The following MMS19 variants were observed in gnomAD, a reference collection of about 807,000 sequenced individuals.
MMS19 encodes the protein MMS19 cytosolic iron-sulfur assembly component, also known as MMS19 nucleotide excision repair protein homolog.
A neutral mutation model predicts 129.8 loss-of-function variants in MMS19; 77 were observed. That is an observed-to-expected ratio of 0.59 (90% confidence interval 0.49 to 0.72). The LOEUF is 0.72. MMS19 is among the 30% of genes least tolerant of loss of function. The probability of loss-of-function intolerance (pLI) is 0.00; values close to 1 mark genes in which losing one functional copy is unlikely to be tolerated. For synonymous variants in MMS19, 491 were observed against 502.8 expected, an observed-to-expected ratio of 0.98 and a Z score of 0.31; for missense variants, 1,168 against 1,266.3, an observed-to-expected ratio of 0.92 and a Z score of 1.18.
intron 1 of MMS19, among the ~76,000 whole-genome samples, chr10:97,493,736 T>A (rs539995339): frequency 6.6e-6 from 1 of 152,196 alleles, no homozygotes; most frequent in East Asian, 1.9e-4. Context: ...ATAACCAGGG[T>A]TGGCATGGTG....
chr10:97,471,933 CAGA>C (rs2034795985), intron 8 of MMS19, among the ~76,000 whole-genome samples: 1 of 152,076 alleles, frequency 6.6e-6, no homozygotes. Context: ...AGAGGTCCAA[CAGA>C]AGATTAATGA....
rs370447403 is a variant in MMS19, at chr10:97,477,905, C to T, written c.373G>A (p.Gly125Arg). 2.2e-5 allele frequency: 35 copies of T among 1,608,274 alleles called. No individual in the cohort carries two copies. The highest frequency in any genetic ancestry group is 2.9e-5 in the Non-Finnish European group (34 of 1,177,808). Residue 125 changes from glycine to arginine, a missense_variant, in exon 5 of 31, where the codon GGG becomes AGG. Around this residue, in one of 3 missense-constraint regions of MMS19, gnomAD observed 329 missense variants for 328.6 expected, o/e 1.00. Coordinates refer to ENST00000438925, the MANE Select transcript of MMS19 (RefSeq NM_022362.5). Reference protein sequence around the residue: ...ALSLCVALPPGLAVSVLKAIF... With the variant: ...ALSLCVALPPRLAVSVLKAIF... ...GCTTTAAGCACAGAAACAGCCAGCC[C>T]TGGGGGCAGGGCCACACACAGGCTC... is the stretch of plus-strand genomic sequence containing the variant.
chr10:97,484,262 C>T, intron 1 of MMS19, 111 bp from the exon 2 acceptor site: 1 of 664,120 alleles, frequency 1.5e-6, no homozygotes, highest in Non-Finnish European at 2.4e-6. Flanking sequence ...TACCTGGGGG[C>T]CCACTATATT....
intron 8 of MMS19, among the ~76,000 whole-genome samples, chr10:97,472,293 G>A (rs1589657389): frequency 6.6e-6 from 1 of 152,252 alleles, no homozygotes; most frequent in Admixed American, 6.5e-5. Context: ...AAGCTGGAGT[G>A]CAATGGCACG....
intron 18 of MMS19, 102 bp from the exon 19 acceptor site, chr10:97,464,115 G>A (rs1331861983): frequency 9.6e-7 from 1 of 1,042,756 alleles, no homozygotes; most frequent in Non-Finnish European, 1.4e-6. Flanking sequence ...TGACTGAAGG[G>A]ACCAAGAGTG....
rs548429569 is a variant in MMS19, at chr10:97,462,602, T to C, written c.1993A>G (p.Thr665Ala). 6.8e-6 allele frequency: 11 copies of C among 1,613,828 alleles called. No homozygotes were observed. The African/African-American group carries it at 8.0e-5, about 12-fold the overall frequency. The part of the protein sequence containing the change: ...AAMVSVIGTA[T>A]THLSPELAAQ... ...ACTTACTCAGGGCTCAGGTGGGTTGTAGCAGTGCCAATGACAGACACCATG... is the reference window on the plus strand; with the variant it reads ...ACTTACTCAGGGCTCAGGTGGGTTGCAGCAGTGCCAATGACAGACACCATG... Residue 665 changes from threonine (T) to alanine (A), a missense_variant, in exon 20 of 31, where the codon ACA becomes GCA. Around this residue, in one of 3 missense-constraint regions of MMS19, gnomAD observed 831 missense variants for 910.8 expected, o/e 0.91. Transcript: ENST00000438925.
chr10:97,479,110 T>C (rs563537846), intron 3 of MMS19, among the ~76,000 whole-genome samples: 44 of 152,276 alleles, frequency 2.9e-4, no homozygotes, highest in Non-Finnish European at 5.7e-4. Context: ...TCTGCCTCTA[T>C]ACAGGGAAGA....
intron 6 of MMS19, 33 bp from the exon 7 acceptor site, chr10:97,476,996 C>G (rs780254132): frequency 6.2e-7 from 1 of 1,612,378 alleles, no homozygotes; most frequent in South Asian, 1.1e-5. Flanking sequence ...ACTATACTGT[C>G]CCACAGCACA....
chr10:97,482,908 C>T (rs1589737990), intron 2 of MMS19, among the ~76,000 whole-genome samples: 2 of 151,718 alleles, frequency 1.3e-5, no homozygotes, highest in African/African-American at 4.8e-5. Flanking sequence ...CTACAGGCGC[C>T]CGCCACCATG....
In MMS19 at chr10:97,466,836, G is replaced by A. The variant is rs748944765; in HGVS notation, c.1363C>T (p.Pro455Ser). 6.2e-6 allele frequency: 10 copies of A among 1,613,864 alleles called. No homozygotes were observed. The East Asian group carries it at 1.3e-4, about 22-fold the overall frequency. The change falls in exon 15 of 31, where the codon CCC becomes TCC. Residue 455 changes from proline to serine, a missense_variant. Physicochemically the swap from Pro to Ser is moderately conservative, Grantham distance 74. Around this residue, in one of 3 missense-constraint regions of MMS19, gnomAD observed 831 missense variants for 910.8 expected, o/e 0.91. Transcript: ENST00000438925. ...CSLVFMALTDPSTQLQLVGIR... is the reference protein window; with the variant it reads ...CSLVFMALTDSSTQLQLVGIR... ...CCAACAAGCTGAAGCTGGGTGCTGGGGTCTGTTAGAGCCATGAATACCAGT... is the reference window on the plus strand; with the variant it reads ...CCAACAAGCTGAAGCTGGGTGCTGGAGTCTGTTAGAGCCATGAATACCAGT...
intron 8 of MMS19, among the ~76,000 whole-genome samples, chr10:97,475,975 T>C (rs1404166774): frequency 6.6e-6 from 1 of 152,222 alleles, no homozygotes; most frequent in Non-Finnish European, 1.5e-5. Flanking sequence ...ACAGCAAAGA[T>C]GGTGGTGTCA....
Position 97,481,061 on chromosome 10 carries a change from G to C in MMS19, c.162-19C>G, listed in dbSNP as rs774448202. On this transcript the variant is annotated intron_variant, in intron 2 of 30. Transcript: ENST00000438925. Reference sequence around the variant, plus strand: ...AGAGGACCTAGGGGAAAACAGGATAGAGAGAACCTGCAATTACCCAGTTCA... The same window carrying C: ...AGAGGACCTAGGGGAAAACAGGATACAGAGAACCTGCAATTACCCAGTTCA... 1.4e-6 allele frequency: 2 copies of C among 1,412,086 alleles called. No homozygotes were observed. The allele number at this position is 1,412,086 out of a possible 1,614,324, so 87.5% of individuals were successfully genotyped here. A position where few individuals can be genotyped will look rare whatever the true frequency, so the allele number is the denominator to read the frequency against.
At chr10:97,467,995 T>G (rs534712037) in intron 13 of MMS19, among the ~76,000 whole-genome samples, 57 of 152,146 alleles carry the variant, frequency 3.7e-4, no homozygotes, top group African/African-American at 1.3e-3. Flanking sequence ...ATTTTTTTTT[T>G]TTTAGAGATG....
intron 1 of MMS19, among the ~76,000 whole-genome samples, chr10:97,495,093 G>C (rs1033251137): frequency 1.6e-4 from 24 of 152,202 alleles, no homozygotes; most frequent in African/African-American, 5.3e-4. Context: ...GGGAGGGGTA[G>C]GGAACTCAAG....
chr10:97,481,296 A>C (rs1310397524), intron 2 of MMS19, among the ~76,000 whole-genome samples: 2 of 152,062 alleles, frequency 1.3e-5, no homozygotes, highest in African/African-American at 4.8e-5. Flanking sequence ...GAGCCAACAG[A>C]GGTTTCTGCC....
At chr10:97,461,089 A>G in intron 23 of MMS19, 82 bp from the exon 24 acceptor site, 2 of 1,143,662 alleles carry the variant, frequency 1.7e-6, no homozygotes, top group Non-Finnish European at 2.5e-6. Context: ...TTAAGTGCAG[A>G]GCTCCCTGAG....
intron 1 of MMS19, among the ~76,000 whole-genome samples, chr10:97,492,840 C>T (rs2039147714): frequency 8.3e-6 from 1 of 120,460 alleles, no homozygotes; most frequent in Non-Finnish European, 1.6e-5. Context: ...GCCTGGGCAA[C>T]AGAGCAAGAC....
chr10:97,491,540 C>T (rs1445250838), intron 1 of MMS19, among the ~76,000 whole-genome samples: 2 of 152,182 alleles, frequency 1.3e-5, no homozygotes, highest in Non-Finnish European at 2.9e-5. Flanking sequence ...TGGCATGCGC[C>T]TGTAGTCCCA....
At chr10:97,473,853 A>C (rs988494509) in intron 8 of MMS19, among the ~76,000 whole-genome samples, 13 of 152,068 alleles carry the variant, frequency 8.5e-5, no homozygotes, top group Non-Finnish European at 8.8e-5. Flanking sequence ...CCTTTTATAG[A>C]AAAAGTTGGC....
Sources: gnomAD v4.1 joint callset for allele counts (sites outside exome capture counted in the v4.1 genomes callset) on GRCh38, gnomAD v4.1.1 for gene constraint, gnomAD v4.1.1 regional missense constraint, MANE v1.5 for transcripts, NCBI Gene and HGNC (gene_info 2026-07-23, HGNC 2026-07-21) for gene names.